The following ARPC1A variants were observed in gnomAD, a reference collection of about 807,000 sequenced individuals.
ARPC1A encodes the protein actin-related protein 2/3 complex subunit 1A.
In ARPC1A, 8 loss-of-function variants were observed where a neutral mutation model predicts 46.9. The observed-to-expected ratio is 0.17, with a 90% CI of 0.10 to 0.31. The LOEUF (loss-of-function observed/expected upper bound fraction) is 0.31. Among genes scored for constraint, ARPC1A ranks in the 10% least tolerant of loss-of-function variants. The pLI, the probability that ARPC1A is intolerant of heterozygous loss-of-function variation, is 1.00. For synonymous variants in ARPC1A, 152 were observed against 169.0 expected, an observed-to-expected ratio of 0.90 and a Z score of 0.78; for missense variants, 286 against 483.6, an observed-to-expected ratio of 0.59 and a Z score of 3.83.
intron 3 of ARPC1A, among the ~76,000 whole-genome samples, chr7:99,340,592 G>A (rs1046787479): frequency 6.6e-5 from 10 of 152,134 alleles, no homozygotes; most frequent in African/African-American, 9.7e-5. Flanking sequence ...AAAGGTGTGC[G>A]CCAGCACACC....
chr7:99,344,546 C>G (rs1203662196), intron 4 of ARPC1A, 31 bp downstream of exon 4: 2 of 1,605,908 alleles, frequency 1.2e-6, no homozygotes, highest in African/African-American at 1.3e-5. Flanking sequence ...TTCTATCCCT[C>G]TCTATAGAAT....
Position 99,332,355 on chromosome 7 carries a change from G to A in ARPC1A, c.-29-970G>A, listed in dbSNP as rs558188509. Among the ~76,000 whole-genome samples, 9 of 152,226 alleles carry A rather than the reference G, an allele frequency of 5.9e-5. 1 individual carries two copies. Among genetic ancestry groups the A allele is most frequent in the Non-Finnish European group, 1.3e-4 (9 of 68,008 alleles). ...ACTTCATGTGGACTGCCATCAGGAGGCCCATCCAGTTAGATTGATCCACTA... is the reference window on the plus strand; with the variant it reads ...ACTTCATGTGGACTGCCATCAGGAGACCCATCCAGTTAGATTGATCCACTA... On this transcript the variant is annotated intron_variant, in intron 1 of 9. Transcript: ENST00000262942.
At chr7:99,338,378 A>ATTCTTTTTTTT in intron 3 of ARPC1A, 93 bp downstream of exon 3, 2 of 242,132 alleles carry the variant, frequency 8.3e-6, no homozygotes, top group African/African-American at 9.7e-5. Context: ...GGTGGCCATA[A>ATTCTTTTTTTT]TTTTTTTTTT....
intron 4 of ARPC1A, among the ~76,000 whole-genome samples, chr7:99,345,179 G>A (rs375804180): frequency 2.0e-5 from 3 of 151,398 alleles, no homozygotes; most frequent in South Asian, 2.1e-4. Flanking sequence ...ATGATCCACC[G>A]CCTCGGCCTC....
chr7:99,348,496 C>T (rs915453848), intron 4 of ARPC1A, among the ~76,000 whole-genome samples: 1 of 152,022 alleles, frequency 6.6e-6, no homozygotes, highest in East Asian at 1.9e-4. Flanking sequence ...CACTTGAGCC[C>T]CAGAGTTTGA....
At chr7:99,353,108 TTTAGTTTATGTTATGTTATGTTATG>T (rs751954929) in intron 5 of ARPC1A, among the ~76,000 whole-genome samples, 116 of 147,888 alleles carry the variant, frequency 7.8e-4, no homozygotes, top group Non-Finnish European at 8.8e-4. Context: ...TTTAGTTTAG[TTTAGTTTATGTTATGTTATGTTATG>T]TTATGTTATG....
In ARPC1A at chr7:99,344,920, C is replaced by CTTTTTT. The variant is rs1172071932; in HGVS notation, c.392+429_392+434dup. On this transcript the variant is annotated intron_variant, in intron 4 of 9. Coordinates refer to ENST00000262942, the MANE Select transcript of ARPC1A (RefSeq NM_006409.4). ...TAGGATTCCTACAGATAACAATGTT[C>CTTTTTT]TTTTTTTTTTTTTTTTTTTTTTTTT... is the stretch of plus-strand genomic sequence containing the variant. Among the ~76,000 whole-genome samples the CTTTTTT allele has an allele frequency of 2.8e-3, 56 of 20,110 alleles. 6 individuals are homozygous for CTTTTTT. Among genetic ancestry groups the CTTTTTT allele is most frequent in the Non-Finnish European group, 3.4e-3 (37 of 10,738 alleles). 13.2% of individuals were successfully genotyped at this position (20,110 alleles called of 152,430 possible). A position where few individuals can be genotyped will look rare whatever the true frequency, so the allele number is the denominator to read the frequency against.
At chr7:99,336,481 A>ATTTTTTT (rs757908410) in intron 2 of ARPC1A, among the ~76,000 whole-genome samples, 3 of 103,198 alleles carry the variant, frequency 2.9e-5, no homozygotes, top group Admixed American at 1.1e-4. Flanking sequence ...ATAGGTCTTA[A>ATTTTTTT]TTTTTTTTTT....
At chr7:99,347,924 G>C (rs998452584) in intron 4 of ARPC1A, among the ~76,000 whole-genome samples, 1 of 151,958 alleles carries the variant, frequency 6.6e-6, no homozygotes, top group African/African-American at 2.4e-5. Flanking sequence ...CCCAACTGTT[G>C]AGCAACCAGA....
intron 9 of ARPC1A, among the ~76,000 whole-genome samples, chr7:99,364,264 CTCTCT>C (rs1170432378): frequency 2.9e-5 from 4 of 137,752 alleles, no homozygotes; most frequent in African/African-American, 5.9e-5. Context: ...TTGGAGATCT[CTCTCT>C]TTTTTTTTTT....
chr7:99,360,751 C>T (rs1418641240), intron 8 of ARPC1A, among the ~76,000 whole-genome samples: 1 of 151,982 alleles, frequency 6.6e-6, no homozygotes, highest in East Asian at 1.9e-4. Context: ...ACCAGCCTTG[C>T]CAACATGGCA....
At chr7:99,331,676 T>C (rs747739654) in intron 1 of ARPC1A, among the ~76,000 whole-genome samples, 14 of 152,074 alleles carry the variant, frequency 9.2e-5, no homozygotes, top group Non-Finnish European at 1.3e-4. Context: ...CTCAGCACTT[T>C]GGGAGGCTGA....
chr7:99,348,053 C>T (rs1451216809), intron 4 of ARPC1A, among the ~76,000 whole-genome samples: 1 of 152,046 alleles, frequency 6.6e-6, no homozygotes, highest in African/African-American at 2.4e-5. Flanking sequence ...AGAGGCTAAT[C>T]CCCAACATGA....
chr7:99,326,667 A>G (rs1053889251), intron 1 of ARPC1A, among the ~76,000 whole-genome samples: 30 of 152,372 alleles, frequency 2.0e-4, no homozygotes, highest in Middle Eastern at 3.4e-3. Context: ...TGCAATAAAA[A>G]GATTCTTACC....
At chr7:99,330,159 G>A (rs1384461287) in intron 1 of ARPC1A, among the ~76,000 whole-genome samples, 1 of 151,764 alleles carries the variant, frequency 6.6e-6, no homozygotes, top group Non-Finnish European at 1.5e-5. Flanking sequence ...GTTGTAGTTT[G>A]CTTTCTCGAC....
rs529019957 is a variant in ARPC1A, at chr7:99,363,057, G to A, written c.984-486G>A. Among the ~76,000 whole-genome samples, 4 of 152,134 alleles carry A rather than the reference G, an allele frequency of 2.6e-5. No individual in the cohort carries two copies. The South Asian group carries it at 8.3e-4, about 32-fold the overall frequency. Reference sequence around the variant, plus strand: ...AAAAACAAACAAAAATACTGTTTTCGCCATGGCTGTGGTCCTACCCACAAC... The same window carrying A: ...AAAAACAAACAAAAATACTGTTTTCACCATGGCTGTGGTCCTACCCACAAC... On this transcript the variant is annotated intron_variant, in intron 8 of 9. Coordinates refer to ENST00000262942, the MANE Select transcript of ARPC1A (RefSeq NM_006409.4).
chr7:99,330,628 A>G (rs1343397786), intron 1 of ARPC1A, among the ~76,000 whole-genome samples: 2 of 152,032 alleles, frequency 1.3e-5, no homozygotes, highest in Admixed American at 6.6e-5. Context: ...GTTCCTTTAC[A>G]ATTAGCAGAG....
In ARPC1A at chr7:99,349,700, C is replaced by T. The variant is rs947884071; in HGVS notation, c.500+741C>T. ...AAAAAAATACAAAAAATTAGCCGGG[C>T]GTGGTGGCGGGTGCCTGTAGTCCCA... On this transcript the variant is annotated intron_variant, in intron 5 of 9. Transcript: ENST00000262942. 4.6e-5 allele frequency among the ~76,000 whole-genome samples: 7 copies of T among 152,166 alleles called. No homozygotes were observed. The South Asian group carries it at 6.2e-4, about 14-fold the overall frequency.
At chr7:99,351,516 G>A (rs1203269924) in intron 5 of ARPC1A, among the ~76,000 whole-genome samples, 2 of 152,180 alleles carry the variant, frequency 1.3e-5, no homozygotes, top group Non-Finnish European at 2.9e-5. Flanking sequence ...ACTGCGCCTG[G>A]CCCAGTCCTG....
Sources: allele counts gnomAD v4.1 joint callset (sites outside exome capture counted in the v4.1 genomes callset), GRCh38; gene constraint gnomAD v4.1.1; transcripts MANE v1.5; gene names NCBI Gene and HGNC (gene_info 2026-07-23, HGNC 2026-07-21).